GRM6: variants seen among roughly 807,000 people sequenced by gnomAD.
The protein encoded by GRM6 is glutamate metabotropic receptor 6.
GRM6 carries 73 observed loss-of-function variants against 78.4 expected under a neutral mutation model. The ratio of observed to expected loss-of-function variants is 0.93; its 90% confidence interval spans 0.77 to 1.13. GRM6 has a LOEUF of 1.13. Among genes scored for constraint, GRM6 ranks in the 50% most tolerant of loss-of-function variants. The probability of loss-of-function intolerance (pLI) is 0.00; values close to 1 mark genes in which losing one functional copy is unlikely to be tolerated. For synonymous variants in GRM6, 580 were observed against 555.0 expected (o/e 1.05, Z -0.63); for missense variants, 1,251 against 1,256.4 (o/e 1.00, Z 0.07).
rs1760705617 is a variant in GRM6, at chr5:178,992,789, G to A, written c.505-706C>T. On this transcript the variant is annotated intron_variant, in intron 2 of 10. Transcript: ENST00000517717. This position sits in a 1 kb window ranked among gnomAD's most constrained non-coding sequence, Gnocchi z 4.9. ...GGAGTTTCTGGAAGGAGGGAGGGGGGCTGGTCCAGGGTTGTTTGAAGCAGG... is the reference window on the plus strand; with the variant it reads ...GGAGTTTCTGGAAGGAGGGAGGGGGACTGGTCCAGGGTTGTTTGAAGCAGG... Among the ~76,000 whole-genome samples, 1 of 151,950 alleles carries A rather than the reference G, an allele frequency of 6.6e-6. No individual in the cohort carries two copies. The highest frequency in any genetic ancestry group is 2.1e-4 in the South Asian group (1 of 4,818).
Position 178,990,745 on chromosome 5 carries a change from G to C in GRM6, c.859C>G (p.Arg287Gly), listed in dbSNP as rs1195558693. ...IIFANEDDIR[R>G]VLEAARQANL... is the part of the protein sequence containing the mutation. Reference sequence around the variant, plus strand: ...GCCTGGCGAGCTGCCTCCAGGACCCGCCTGGTAGGAGCAGGGCTGGGGTGA... The same window carrying C: ...GCCTGGCGAGCTGCCTCCAGGACCCCCCTGGTAGGAGCAGGGCTGGGGTGA... Residue 287 changes from arginine (R) to glycine (G), a missense_variant and splice_region_variant, in exon 5 of 11, where the codon CGG (arginine) becomes GGG (glycine). Transcript: ENST00000517717. The C allele has an allele frequency of 1.3e-6, 2 of 1,564,002 alleles. No homozygotes were observed. Among genetic ancestry groups the C allele is most frequent in the East Asian group, 2.4e-5 (1 of 42,072 alleles).
rs1028386379 is a variant in GRM6 at position 178,978,606 on chromosome 5, C to T, written c.*3051G>A. 3.3e-5 allele frequency: 5 copies of T among 152,290 alleles called. No individual in the cohort carries two copies. The highest frequency in any genetic ancestry group is 5.9e-5 in the Non-Finnish European group (4 of 68,022). The allele number at this position is 152,290 out of a possible 1,614,324, so 9.4% of individuals were successfully genotyped here. A position where few individuals can be genotyped will look rare whatever the true frequency, so the allele number is the denominator to read the frequency against. On this transcript the variant is annotated 3_prime_UTR_variant, in exon 11 of 11. Coordinates refer to ENST00000517717, the MANE Select transcript of GRM6 (RefSeq NM_000843.4). The stretch of plus-strand genomic sequence containing the variant: ...TAGGTGGTTAAAGCTTACATCAGAA[C>T]GTAATCTTACTCTGCTTTAGAGCTC...
Position 178,986,576 on chromosome 5 carries a change from C to G in GRM6, c.1678G>C (p.Gly560Arg). 6.2e-7 allele frequency: 1 copy of G among 1,607,332 alleles called. No individual in the cohort carries two copies. Among genetic ancestry groups the G allele is most frequent in the Non-Finnish European group, 8.5e-7 (1 of 1,179,848 alleles). The stretch of plus-strand genomic sequence containing the variant: ...TGGTTGGGCGTGGGCCTCATGTCCC[C>G]AGGACAGGCCTCGCATGTGAACTCG... ...VDEFTCEACP[G>R]DMRPTPNHTG... The change falls in exon 9 of 11, where the codon GGG becomes CGG. Residue 560 changes from glycine to arginine, a missense_variant. Physicochemically the swap from Gly to Arg is moderately radical, Grantham distance 125 (BLOSUM62 -2). Transcript: ENST00000517717.
rs574079048 is a variant in GRM6, at chr5:178,988,580, G to T, written c.1354+355C>A. ...GCATGTCCCTGGGTAGGCGCCCCAC[G>T]CAGTCTTAACTGTGCCCCACGTGCA... On this transcript the variant is annotated intron_variant, in intron 7 of 10. Transcript: ENST00000517717. The surrounding 1 kb of genome is among the most constrained non-coding windows in gnomAD (Gnocchi z 6.0). Among the ~76,000 whole-genome samples, 1 of 152,152 alleles carries T rather than the reference G, an allele frequency of 6.6e-6. No individual in the cohort carries two copies. Among genetic ancestry groups the T allele is most frequent in the African/African-American group, 2.4e-5 (1 of 41,440 alleles).
At chr5:178,989,692 AC>A in intron 5 of GRM6, 19 of 522,670 alleles carry the variant, frequency 3.6e-5, no homozygotes, top group Admixed American at 1.3e-4. Flanking sequence ...GCTGATGCAA[AC>A]TCAGAGCCTC....
At position 178,992,013 on chromosome 5, in the gene GRM6, C is replaced by T. The variant is rs757057677; in HGVS notation, c.575G>A (p.Arg192Gln). ...CTGGTAGGAGTCGGGTGGCACCACCCGGGAGAAGAAGTCATAGCGTGTGGA... is the reference window on the plus strand; with the variant it reads ...CTGGTAGGAGTCGGGTGGCACCACCTGGGAGAAGAAGTCATAGCGTGTGGA... ...SDSTRYDFFS[R>Q]VVPPDSYQAQ... The change falls in exon 3 of 11, where the codon CGG (arginine) becomes CAG (glutamine). Residue 192 changes from arginine to glutamine, a missense_variant. Arg to Gln is a conservative substitution (Grantham distance 43). Coordinates refer to ENST00000517717, the MANE Select transcript of GRM6 (RefSeq NM_000843.4). This position sits in a 1 kb window ranked among gnomAD's most constrained non-coding sequence, Gnocchi z 4.9. The T allele has an allele frequency of 2.4e-5, 39 of 1,613,978 alleles. No homozygotes were observed. In the East Asian group the frequency reaches 4.5e-4, roughly 18 times the overall value.
rs1406253987 is a variant in GRM6, at chr5:178,991,780, GC to G, written c.721+86del. On this transcript the variant is annotated intron_variant, in intron 3 of 10. Coordinates refer to ENST00000517717, the MANE Select transcript of GRM6 (RefSeq NM_000843.4). The surrounding 1 kb of genome is among the most constrained non-coding windows in gnomAD (Gnocchi z 5.0). ...CAACCTCGGCCCAGCATGGACCTGG[GC>G]CCCCCATCTTTCTGCTTCTGCCCCA... 2 of 1,251,600 alleles carry G rather than the reference GC, an allele frequency of 1.6e-6. No homozygotes were observed. Among genetic ancestry groups the G allele is most frequent in the South Asian group, 1.2e-5 (1 of 81,082 alleles). The allele number at this position is 1,251,600 out of a possible 1,614,324, so 77.5% of individuals were successfully genotyped here. A position where few individuals can be genotyped will look rare whatever the true frequency, so the allele number is the denominator to read the frequency against.
rs1760430904 is a variant in GRM6 at position 178,983,017 on chromosome 5, C to T, written c.2329G>A (p.Glu777Lys). 1.9e-6 allele frequency: 3 copies of T among 1,614,100 alleles called. No individual in the cohort carries two copies. Among genetic ancestry groups the T allele is most frequent in the Non-Finnish European group, 1.7e-6 (2 of 1,179,958 alleles). Reference protein sequence around the residue: ...VYAIKARGVPETFNEAKPIGF... With the variant: ...VYAIKARGVPKTFNEAKPIGF... ...ATGGGCTTGGCCTCGTTGAAGGTCT[C>T]GGGCACGCCACGGGCCTTGATGGCG... is the stretch of plus-strand genomic sequence containing the variant. The change falls in exon 10 of 11, where the codon GAG (glutamate) becomes AAG (lysine). Residue 777 changes from glutamate to lysine, a missense_variant. Coordinates refer to ENST00000517717, the MANE Select transcript of GRM6 (RefSeq NM_000843.4).
In GRM6 at chr5:178,980,136, G is replaced by A. The variant is rs1760362745; in HGVS notation, c.*1521C>T. ...CCTAGTCCCACGGTCAAAACCAACT[G>A]CGCACCAGAGAAGCTGCATGGGAAA... On this transcript the variant is annotated 3_prime_UTR_variant, in exon 11 of 11. Transcript: ENST00000517717. This position sits in a 1 kb window ranked among gnomAD's most constrained non-coding sequence, Gnocchi z 4.3. 6.5e-6 allele frequency: 1 copy of A among 154,332 alleles called. No homozygotes were observed. The allele number at this position is 154,332 out of a possible 1,614,324, so 9.6% of individuals were successfully genotyped here.
In GRM6 at chr5:178,986,177, T is replaced by C. The variant is rs765553838; in HGVS notation, c.2077A>G (p.Ser693Gly). The change falls in exon 9 of 11, where the codon AGC becomes GGC. Residue 693 changes from serine (S) to glycine (G), a missense_variant. By Grantham distance (56) the Ser-to-Gly change is moderately conservative. Transcript: ENST00000517717. ...KRSVTPPPFISPTSQLVITFS... is the reference protein window; with the variant it reads ...KRSVTPPPFIGPTSQLVITFS... ...GTGATGACCAGCTGTGAGGTGGGGC[T>C]GATGAAGGGAGGGGGTGTGACCGAG... 3.1e-6 allele frequency: 5 copies of C among 1,613,900 alleles called. No homozygotes were observed. Among genetic ancestry groups the C allele is most frequent in the Admixed American group, 1.7e-5 (1 of 59,994 alleles).
rs377001985 is a variant in GRM6 at position 178,992,092 on chromosome 5, C to T, written c.505-9G>A. Reference sequence around the variant, plus strand: ...TAGCTGATCTGGGGTATCTGTGGGGCAGGAAGGACAGCTGGGCTGTGGATG... The same window carrying T: ...TAGCTGATCTGGGGTATCTGTGGGGTAGGAAGGACAGCTGGGCTGTGGATG... On this transcript the variant is annotated splice_polypyrimidine_tract_variant and intron_variant, in intron 2 of 10. Transcript: ENST00000517717. The surrounding 1 kb of genome is among the most constrained non-coding windows in gnomAD (Gnocchi z 4.9). 8.1e-6 allele frequency: 13 copies of T among 1,601,696 alleles called. No individual in the cohort carries two copies. In the African/African-American group the frequency reaches 1.7e-4, roughly 21 times the overall value.
chr5:178,985,749 A>G lies in GRM6; in HGVS notation c.2124+381T>C, dbSNP rs1409662500. The G allele has an allele frequency of 6.7e-6, 3 of 447,828 alleles. No homozygotes were observed. The Admixed American group carries it at 8.0e-5, about 12-fold the overall frequency. The allele number at this position is 447,828 out of a possible 1,614,324, so 27.7% of individuals were successfully genotyped here. On this transcript the variant is annotated intron_variant, in intron 9 of 10. Transcript: ENST00000517717. ...ACAGGAACCAAAATAGAAAAGAGTG[A>G]CTCTAAAAACGGCATTTATCTTTTT...
rs1031902388 is a variant in GRM6 at position 178,988,193 on chromosome 5, G to A, written c.1354+742C>T. 1.3e-5 allele frequency among the ~76,000 whole-genome samples: 2 copies of A among 152,178 alleles called. No homozygotes were observed. The highest frequency in any genetic ancestry group is 1.9e-4 in the East Asian group (1 of 5,198). On this transcript the variant is annotated intron_variant, in intron 7 of 10. Coordinates refer to ENST00000517717, the MANE Select transcript of GRM6 (RefSeq NM_000843.4). The surrounding 1 kb of genome is among the most constrained non-coding windows in gnomAD (Gnocchi z 6.0). ...CAGGCGAGAGGATGAGTTCAGACACGGAGAGAGGTCTGAGTGACAGTATGA... is the reference window on the plus strand; with the variant it reads ...CAGGCGAGAGGATGAGTTCAGACACAGAGAGAGGTCTGAGTGACAGTATGA...
At position 178,991,959 on chromosome 5, in the gene GRM6, G is replaced by A. The variant is rs760109661; in HGVS notation, c.629C>T (p.Ala210Val). The A allele has an allele frequency of 6.2e-7, 1 of 1,614,106 alleles. No homozygotes were observed. Among genetic ancestry groups the A allele is most frequent in the East Asian group, 2.2e-5 (1 of 44,876 alleles). Reference protein sequence around the residue: ...QAQAMVDIVRALGWNYVSTLA... With the variant: ...QAQAMVDIVRVLGWNYVSTLA... The stretch of plus-strand genomic sequence containing the variant: ...CGTGGACACATAGTTCCATCCCAGT[G>A]CCCTCACGATGTCCACCATGGCCTG... The change falls in exon 3 of 11, where the codon GCA becomes GTA. Residue 210 changes from alanine to valine, a missense_variant. Ala to Val is a moderately conservative substitution (Grantham distance 64, BLOSUM62 0). Coordinates refer to ENST00000517717, the MANE Select transcript of GRM6 (RefSeq NM_000843.4). The surrounding 1 kb of genome is among the most constrained non-coding windows in gnomAD (Gnocchi z 5.0).
rs755610053 is a variant in GRM6, at chr5:178,986,250, C to G, written c.2004G>C (p.Leu668=). Residue 668 remains leucine, a synonymous_variant, in exon 9 of 11, where the codon CTG becomes CTC. Transcript: ENST00000517717. ...GLGTTLSYSA[L]LTKTNRIYRI... ...GGTAGATACGGTTGGTCTTGGTGAG[C>G]AGGGCAGAGTAGCTGAGGGTCGTGC... 7 of 1,614,018 alleles carry G rather than the reference C, an allele frequency of 4.3e-6. No individual in the cohort carries two copies. The highest frequency in any genetic ancestry group is 1.7e-5 in the Admixed American group (1 of 60,002).
chr5:178,991,715 C>G lies in GRM6; in HGVS notation c.721+152G>C. The G allele has an allele frequency of 8.6e-7, 1 of 1,161,912 alleles. No homozygotes were observed. The highest frequency in any genetic ancestry group is 1.3e-6 in the Non-Finnish European group (1 of 782,696). 72.0% of individuals were successfully genotyped at this position (1,161,912 alleles called of 1,614,324 possible). A position where few individuals can be genotyped will look rare whatever the true frequency, so the allele number is the denominator to read the frequency against. ...AAGCCTGAGGCAGGGCTGAGTCGTC[C>G]AAAACAAAGAGGTCCCGCCCACATG... is the stretch of plus-strand genomic sequence containing the variant. On this transcript the variant is annotated intron_variant, in intron 3 of 10. Transcript: ENST00000517717. The surrounding 1 kb of genome is among the most constrained non-coding windows in gnomAD (Gnocchi z 5.0).
chr5:178,986,804 C>G, intron 8 of GRM6, 34 bp downstream of exon 8: 2 of 1,612,712 alleles, frequency 1.2e-6, no homozygotes, highest in Non-Finnish European at 1.7e-6. Flanking sequence ...GATCCTGGGC[C>G]CATGCCCACC....
rs568300834 is a variant in GRM6 at position 178,985,440 on chromosome 5, C to A, written c.2124+690G>T. Reference sequence around the variant, plus strand: ...AAAAACTCACTGGGCGCAGCGGCTCCCGCCTGTCATCCCAGCACTTTGGGA... The same window carrying A: ...AAAAACTCACTGGGCGCAGCGGCTCACGCCTGTCATCCCAGCACTTTGGGA... On this transcript the variant is annotated intron_variant, in intron 9 of 10. Coordinates refer to ENST00000517717, the MANE Select transcript of GRM6 (RefSeq NM_000843.4). Among the ~76,000 whole-genome samples the A allele has an allele frequency of 2.3e-3, 346 of 151,826 alleles. 1 individual carries two copies. Among genetic ancestry groups the A allele is most frequent in the African/African-American group, 3.5e-3 (145 of 41,438 alleles).
At chr5:178,989,537 A>ATGGCCAGGTGAGCTAGGAG (rs1561719539) in intron 5 of GRM6, 132 bp from the exon 6 acceptor site, 3 of 1,124,058 alleles carry the variant, frequency 2.7e-6, no homozygotes, top group Non-Finnish European at 2.7e-6. Flanking sequence ...TGAACTAGGC[A>ATGGCCAGGTGAGCTAGGAG]TGGCCAGGTG....
Sources: allele counts gnomAD v4.1 joint callset (sites outside exome capture counted in the v4.1 genomes callset), GRCh38; gene constraint gnomAD v4.1.1; non-coding constraint Gnocchi (gnomAD v3.1); transcripts MANE v1.5; gene names NCBI Gene and HGNC (gene_info 2026-07-23, HGNC 2026-07-21).